CILP: variants seen among roughly 807,000 people sequenced by gnomAD.
CILP encodes cartilage intermediate layer protein 1.
In CILP, 75 loss-of-function variants were observed where a neutral mutation model predicts 82.5. The observed-to-expected ratio is 0.91, with a 90% CI of 0.75 to 1.10. The LOEUF (loss-of-function observed/expected upper bound fraction) is 1.10. CILP is among the 50% of genes least tolerant of loss of function. The pLI, the probability that CILP is intolerant of heterozygous loss-of-function variation, is 0.00. For missense variants in CILP, 1,479 were observed against 1,530.8 expected (o/e 0.97, Z 0.56); for synonymous variants, 530 against 580.3 (o/e 0.91, Z 1.25).
chr15:65,205,566 T>G, intron 4 of CILP, 100 bp from the exon 5 acceptor site: 2 of 1,187,080 alleles, frequency 1.7e-6, no homozygotes, highest in Non-Finnish European at 2.3e-6. Flanking sequence ...AAGACAAGGT[T>G]TCCATTTATG....
In CILP at chr15:65,204,200, A is replaced by T; in HGVS notation, c.919+68T>A. 10 of 1,442,182 alleles carry T rather than the reference A, an allele frequency of 6.9e-6. No homozygotes were observed. In the South Asian group the frequency reaches 1.2e-4, roughly 18 times the overall value. The allele number at this position is 1,442,182 out of a possible 1,614,324, so 89.3% of individuals were successfully genotyped here. On this transcript the variant is annotated intron_variant, in intron 6 of 8. Transcript: ENST00000261883. Reference sequence around the variant, plus strand: ...CAAGTTAGCTGGGAAGCCAGCTTTTAGCACTATAATCCCTTTATTTAAAAA... The same window carrying T: ...CAAGTTAGCTGGGAAGCCAGCTTTTTGCACTATAATCCCTTTATTTAAAAA...
chr15:65,211,473 T>G lies in CILP; in HGVS notation c.-152A>C, dbSNP rs111741622. On this transcript the variant is annotated 5_prime_UTR_variant, in exon 1 of 9. Transcript: ENST00000261883. ...TCAGCTGGGGGTCCAAGCCTTCGCC[T>G]CTCCAGCAGTCCAGTGCCGGCCTTA... 6.6e-6 allele frequency: 1 copy of G among 152,558 alleles called. No individual in the cohort carries two copies. The allele number at this position is 152,558 out of a possible 1,614,324, so 9.5% of individuals were successfully genotyped here. A position where few individuals can be genotyped will look rare whatever the true frequency, so the allele number is the denominator to read the frequency against.
chr15:65,200,837 A>G (rs577739386), intron 8 of CILP, among the ~76,000 whole-genome samples: 2 of 152,370 alleles, frequency 1.3e-5, no homozygotes, highest in African/African-American at 4.8e-5. Flanking sequence ...AAACCCAGTC[A>G]GGTCATACCA....
chr15:65,207,855 T>A (rs1317840162), intron 2 of CILP, 91 bp from the exon 3 acceptor site: 4 of 1,089,980 alleles, frequency 3.7e-6, no homozygotes, highest in Non-Finnish European at 1.4e-6. Flanking sequence ...AGGTGGTGAA[T>A]GGAGCATGAG....
rs796508182 is a variant in CILP, at chr15:65,195,445, G to C, written c.*1286C>G. The C allele has an allele frequency of 2.0e-5, 3 of 152,274 alleles. No individual in the cohort carries two copies. Among genetic ancestry groups the C allele is most frequent in the African/African-American group, 7.2e-5 (3 of 41,516 alleles). The allele number at this position is 152,274 out of a possible 1,614,324, so 9.4% of individuals were successfully genotyped here. A position where few individuals can be genotyped will look rare whatever the true frequency, so the allele number is the denominator to read the frequency against. On this transcript the variant is annotated 3_prime_UTR_variant, in exon 9 of 9. Coordinates refer to ENST00000261883, the MANE Select transcript of CILP (RefSeq NM_003613.4). ...TGAGATCGCTCTGGCACCACCTATG[G>C]GCCTCTGATTTACTATTTTAAACCA...
rs781227373 is a variant in CILP, at chr15:65,198,804, G to C, written c.1482C>G (p.Gly494=). 6.2e-7 allele frequency: 1 copy of C among 1,614,140 alleles called. No homozygotes were observed. The highest frequency in any genetic ancestry group is 8.5e-7 in the Non-Finnish European group (1 of 1,180,040). ...CCCCATTGTCAGCAGCACTGACACG[G>C]CCCCGCACGATGCTCCGAGTTTCCG... is the stretch of plus-strand genomic sequence containing the variant. ...RCTETRSIVR[G]RVSAADNGEP... The change falls in exon 9 of 9, where the codon GGC becomes GGG. Residue 494 remains glycine (G), a synonymous_variant. Coordinates refer to ENST00000261883, the MANE Select transcript of CILP (RefSeq NM_003613.4).
chr15:65,199,120 G>A (rs1566994073), intron 8 of CILP, 21 bp from the exon 9 acceptor site: 2 of 1,528,542 alleles, frequency 1.3e-6, no homozygotes, highest in Non-Finnish European at 1.8e-6. Flanking sequence ...AAATGGTGTG[G>A]AAATTAAGAT....
In CILP at chr15:65,202,685, C is replaced by T. The variant is rs775103652; in HGVS notation, c.1029-656G>A. On this transcript the variant is annotated intron_variant, in intron 7 of 8. Transcript: ENST00000261883. ...TCAAGTGACCCACCCTCCTCGGCCTCCCAAAGTGCTGGAATTACAGGCATG... is the reference window on the plus strand; with the variant it reads ...TCAAGTGACCCACCCTCCTCGGCCTTCCAAAGTGCTGGAATTACAGGCATG... Among the ~76,000 whole-genome samples the T allele has an allele frequency of 6.6e-5, 10 of 152,146 alleles. No homozygotes were observed. In the South Asian group the frequency reaches 2.1e-3, roughly 32 times the overall value.
chr15:65,206,918 G>A lies in CILP; in HGVS notation c.288C>T (p.Thr96=), dbSNP rs2088523493. Residue 96 remains threonine, a synonymous_variant, in exon 4 of 9, where the codon ACC becomes ACT. Coordinates refer to ENST00000261883, the MANE Select transcript of CILP (RefSeq NM_003613.4). ...TGCTGCCCGCAGGTGTCCAGTCAGT[G>A]GTCCGAGCCTCTAGCCGCAGGGGAC... ...CARPLRLEAR[T]TDWTPAGSTG... 1 of 1,613,818 alleles carries A rather than the reference G, an allele frequency of 6.2e-7. No homozygotes were observed. Among genetic ancestry groups the A allele is most frequent in the Non-Finnish European group, 8.5e-7 (1 of 1,179,998 alleles).
In CILP at chr15:65,200,816, A is replaced by G. The variant is rs145589868; in HGVS notation, c.1186+1056T>C. On this transcript the variant is annotated intron_variant, in intron 8 of 8. Coordinates refer to ENST00000261883, the MANE Select transcript of CILP (RefSeq NM_003613.4). Reference sequence around the variant, plus strand: ...TCTCTGGAGGTAAGACTGAGGCATCAGTATTTTTTCAAACCCAGTCAGGTC... The same window carrying G: ...TCTCTGGAGGTAAGACTGAGGCATCGGTATTTTTTCAAACCCAGTCAGGTC... Among the ~76,000 whole-genome samples the G allele has an allele frequency of 3.7e-3, 568 of 152,318 alleles. 2 individuals carry two copies. Among genetic ancestry groups the G allele is most frequent in the Admixed American group, 9.7e-3 (148 of 15,294 alleles).
intron 2 of CILP, among the ~76,000 whole-genome samples, chr15:65,209,170 G>A (rs574053049): frequency 6.5e-4 from 99 of 152,098 alleles, no homozygotes; most frequent in Non-Finnish European, 1.0e-3. Flanking sequence ...TTCTTTCTAC[G>A]AGTTCCTTCC....
At chr15:65,199,688 T>C (rs1245773224) in intron 8 of CILP, among the ~76,000 whole-genome samples, 1 of 152,126 alleles carries the variant, frequency 6.6e-6, no homozygotes, top group Non-Finnish European at 1.5e-5. Flanking sequence ...CTGGGCATGG[T>C]GGCACACGCC....
chr15:65,207,789 G>C, intron 2 of CILP, 25 bp from the exon 3 acceptor site: 1 of 1,595,960 alleles, frequency 6.3e-7, no homozygotes, highest in Non-Finnish European at 8.6e-7. Flanking sequence ...GAGAAGCTAA[G>C]TGAGAGGCCA....
rs746197365 is a variant in CILP, at chr15:65,197,701, G to A, written c.2585C>T (p.Thr862Met). The change falls in exon 9 of 9, where the codon ACG becomes ATG. Residue 862 changes from threonine (T) to methionine (M), a missense_variant. Thr to Met is a moderately conservative substitution (Grantham distance 81). Coordinates refer to ENST00000261883, the MANE Select transcript of CILP (RefSeq NM_003613.4). ...PYLNKLNYRR[T>M]DHEDPRVKKT... ...TTTAACCCGTGGATCCTCATGGTCC[G>A]TCCGACGGTAGTTGAGCTTGTTGAG... 2.6e-5 allele frequency: 42 copies of A among 1,613,254 alleles called. No individual in the cohort carries two copies. The East Asian group carries it at 3.6e-4, about 14-fold the overall frequency.
rs1346330082 is a variant in CILP at position 65,204,309 on chromosome 15, C to G, written c.878G>C (p.Ser293Thr). 4.3e-6 allele frequency: 7 copies of G among 1,614,024 alleles called. No individual in the cohort carries two copies. The highest frequency in any genetic ancestry group is 1.3e-5 in the African/African-American group (1 of 74,950). Residue 293 changes from serine to threonine, a missense_variant, in exon 6 of 9, where the codon AGC (serine) becomes ACC (threonine). Coordinates refer to ENST00000261883, the MANE Select transcript of CILP (RefSeq NM_003613.4). ...TGCCTTGATGGTGGCTGCCTTCAGG[C>G]TAGTCTTGGGCATTGTGAGTACAAT... ...APIVLTMPKT[S>T]LKAATIKAEF...
intron 8 of CILP, among the ~76,000 whole-genome samples, chr15:65,199,978 C>T (rs1431533167): frequency 2.0e-5 from 3 of 152,182 alleles, no homozygotes; most frequent in Non-Finnish European, 2.9e-5. Context: ...AGGAAAATCA[C>T]GTTTCTACAA....
rs747871021 is a variant in CILP at position 65,196,835 on chromosome 15, G to A, written c.3451C>T (p.Pro1151Ser). Residue 1151 changes from proline to serine, a missense_variant, in exon 9 of 9, where the codon CCC becomes TCC. By Grantham distance (74) the Pro-to-Ser change is moderately conservative. Coordinates refer to ENST00000261883, the MANE Select transcript of CILP (RefSeq NM_003613.4). ...PAAGTVQGRV[P>S]SRRQQRASRG... ...CTCGCTCGCTGCTGCCTCCTCGAGG[G>A]CACTCTTCCTTGGACAGTGCCTGCA... 4 of 1,612,838 alleles carry A rather than the reference G, an allele frequency of 2.5e-6. No homozygotes were observed. In the South Asian group the frequency reaches 4.4e-5, roughly 18 times the overall value.
chr15:65,200,998 T>TTCC (rs1334770503), intron 8 of CILP, among the ~76,000 whole-genome samples: 1 of 110,076 alleles, frequency 9.1e-6, no homozygotes, highest in Non-Finnish European at 2.0e-5. Flanking sequence ...CATTTTTCTT[T>TTCC]TCTTCTTCTT....
chr15:65,204,290 G>T lies in CILP; in HGVS notation c.897C>A (p.Ile299=). Residue 299 remains isoleucine (I), a synonymous_variant, in exon 6 of 9, where the codon ATC becomes ATA. Transcript: ENST00000261883. ...MPKTSLKAAT[I]KAEFVRAETP... ...TACCTGCCCTCACAAACTCTGCCTT[G>T]ATGGTGGCTGCCTTCAGGCTAGTCT... 5.0e-6 allele frequency: 8 copies of T among 1,613,990 alleles called. No homozygotes were observed. Among genetic ancestry groups the T allele is most frequent in the Non-Finnish European group, 6.8e-6 (8 of 1,179,982 alleles).
Sources: allele counts gnomAD v4.1 joint callset (sites outside exome capture counted in the v4.1 genomes callset), GRCh38; gene constraint gnomAD v4.1.1; transcripts MANE v1.5; gene names NCBI Gene and HGNC (gene_info 2026-07-23, HGNC 2026-07-21).